Variants in RAB2A observed in about 807,000 individuals in gnomAD.
RAB2A encodes ras-related protein Rab-2A.
In RAB2A, 7 loss-of-function variants were observed where a neutral mutation model predicts 32.5. The observed-to-expected ratio is 0.22, with a 90% CI of 0.12 to 0.40. The LOEUF (loss-of-function observed/expected upper bound fraction) is 0.40, where lower values mean the gene tolerates loss of function less well. Among genes scored for constraint, RAB2A ranks in the 10% least tolerant of loss-of-function variants. The pLI, the probability that RAB2A is intolerant of heterozygous loss-of-function variation, is 1.00. For synonymous variants in RAB2A, 79 were observed against 85.2 expected, an observed-to-expected ratio of 0.93 and a Z score of 0.40; for missense variants, 108 against 260.7, an observed-to-expected ratio of 0.41 and a Z score of 4.03.
At chr8:60,542,236 C>T (rs1807656748) in intron 1 of RAB2A, among the ~76,000 whole-genome samples, 1 of 152,134 alleles carries the variant, frequency 6.6e-6, no homozygotes, top group South Asian at 2.1e-4. Flanking sequence ...ACTGAATAGG[C>T]TGGGTGCAGT....
intron 3 of RAB2A, among the ~76,000 whole-genome samples, chr8:60,581,782 T>G (rs1477750844): frequency 2.0e-5 from 3 of 152,042 alleles, no homozygotes; most frequent in African/African-American, 7.2e-5. Context: ...CGAGACAGGT[T>G]GATTGCTTAA....
intron 6 of RAB2A, among the ~76,000 whole-genome samples, chr8:60,616,625 A>G (rs1804452593): frequency 1.3e-5 from 2 of 152,276 alleles, no homozygotes; most frequent in Non-Finnish European, 1.5e-5. Context: ...GCTCTAGCAC[A>G]TACATGAAAA....
At chr8:60,586,296 C>G (rs1025259346) in intron 5 of RAB2A, among the ~76,000 whole-genome samples, 1 of 145,798 alleles carries the variant, frequency 6.9e-6, no homozygotes, top group Non-Finnish European at 1.5e-5. Context: ...GACCTTGTCT[C>G]AAAAAAAAAA....
At chr8:60,611,329 A>G (rs75897224) in intron 6 of RAB2A, among the ~76,000 whole-genome samples, 2 of 152,164 alleles carry the variant, frequency 1.3e-5, no homozygotes, top group African/African-American at 4.8e-5. Context: ...TCAGCTTCCA[A>G]CAGAATTGAA....
At chr8:60,543,310 C>T (rs1180471478) in intron 1 of RAB2A, among the ~76,000 whole-genome samples, 1 of 150,262 alleles carries the variant, frequency 6.7e-6, no homozygotes, top group Non-Finnish European at 1.5e-5. Context: ...TTACCTCTTC[C>T]AGCTTGTGGT....
At chr8:60,557,451 G>A (rs932025328) in intron 1 of RAB2A, among the ~76,000 whole-genome samples, 5 of 152,142 alleles carry the variant, frequency 3.3e-5, no homozygotes, top group Non-Finnish European at 5.9e-5. Context: ...GGGAGACGGA[G>A]TTTGCAGTGA....
At chr8:60,540,358 G>C (rs907807333) in intron 1 of RAB2A, among the ~76,000 whole-genome samples, 2 of 151,980 alleles carry the variant, frequency 1.3e-5, no homozygotes, top group African/African-American at 4.8e-5. Context: ...ATGAGAGCTG[G>C]AATTATCAGG....
At chr8:60,518,928 C>A (rs561187294) in intron 1 of RAB2A, among the ~76,000 whole-genome samples, 1 of 152,274 alleles carries the variant, frequency 6.6e-6, no homozygotes, top group African/African-American at 2.4e-5. Flanking sequence ...TCAAATCAGA[C>A]TTTGCTGGTT....
rs374127377 is a variant in RAB2A at position 60,596,645 on chromosome 8, G to A, written c.474+4676G>A. Among the ~76,000 whole-genome samples, 230 of 152,254 alleles carry A rather than the reference G, an allele frequency of 1.5e-3. 2 individuals are homozygous for A. Among genetic ancestry groups the A allele is most frequent in the African/African-American group, 4.7e-3 (195 of 41,558 alleles). Reference sequence around the variant, plus strand: ...ATCATTAAAAAGTGAGGAAACGGCCGGGCGCGGTGGCTCATGCCTGTAATC... The same window carrying A: ...ATCATTAAAAAGTGAGGAAACGGCCAGGCGCGGTGGCTCATGCCTGTAATC... On this transcript the variant is annotated intron_variant, in intron 6 of 7. Coordinates refer to ENST00000262646, the MANE Select transcript of RAB2A (RefSeq NM_002865.3).
intron 1 of RAB2A, among the ~76,000 whole-genome samples, chr8:60,544,120 T>C (rs879161002): frequency 6.6e-6 from 1 of 151,890 alleles, no homozygotes; most frequent in Non-Finnish European, 1.5e-5. Flanking sequence ...TTTTTTTTTT[T>C]TCTCACTGTT....
intron 1 of RAB2A, among the ~76,000 whole-genome samples, chr8:60,526,549 A>C (rs1317834203): frequency 6.6e-6 from 1 of 152,158 alleles, no homozygotes; most frequent in East Asian, 1.9e-4. Context: ...CAAATCTACA[A>C]AATCCCCTTT....
intron 6 of RAB2A, among the ~76,000 whole-genome samples, chr8:60,603,418 C>A (rs1330847392): frequency 6.6e-6 from 1 of 152,184 alleles, no homozygotes; most frequent in Non-Finnish European, 1.5e-5. Flanking sequence ...TTTGTTCCAG[C>A]ACTAGCTGTG....
intron 1 of RAB2A, among the ~76,000 whole-genome samples, chr8:60,554,790 T>C (rs184372849): frequency 0.012 from 1,760 of 152,026 alleles, 41 homozygotes; most frequent in African/African-American, 0.039. Flanking sequence ...AAGGCGGAGG[T>C]TGCAGTGAGC....
chr8:60,615,350 CCATT>C (rs1482281630), intron 6 of RAB2A, among the ~76,000 whole-genome samples: 1 of 152,074 alleles, frequency 6.6e-6, no homozygotes. Flanking sequence ...AATAGCTTAA[CCATT>C]CAAATTAAAC....
intron 6 of RAB2A, among the ~76,000 whole-genome samples, chr8:60,593,550 C>T (rs1034266343): frequency 6.6e-6 from 1 of 150,852 alleles, no homozygotes; most frequent in East Asian, 1.9e-4. Context: ...CCACAATCCC[C>T]AGGCAGTAAT....
At chr8:60,567,600 G>A (rs1808135061) in intron 2 of RAB2A, among the ~76,000 whole-genome samples, 3 of 151,568 alleles carry the variant, frequency 2.0e-5, no homozygotes, top group Admixed American at 6.6e-5. Flanking sequence ...GATAATTTAT[G>A]TTTTTACAGC....
At chr8:60,618,543 GT>G in intron 6 of RAB2A, 36 bp from the exon 7 acceptor site, 1 of 1,067,198 alleles carries the variant, frequency 9.4e-7, no homozygotes, top group South Asian at 1.9e-5. Context: ...TACTGCTTTG[GT>G]TTTATATAAT....
chr8:60,524,950 G>C (rs113826213), intron 1 of RAB2A, among the ~76,000 whole-genome samples: 4,029 of 152,274 alleles, frequency 0.026, 87 homozygotes, highest in Admixed American at 0.061. Flanking sequence ...ATTGTGGTCT[G>C]TATAGCAGAT....
chr8:60,602,902 C>T (rs1035998439), intron 6 of RAB2A, among the ~76,000 whole-genome samples: 5 of 152,142 alleles, frequency 3.3e-5, no homozygotes, highest in East Asian at 1.9e-4. Flanking sequence ...ATGGGAGAGG[C>T]GGTTTAGCAC....
Sources: gnomAD v4.1 joint callset for allele counts (sites outside exome capture counted in the v4.1 genomes callset) on GRCh38, gnomAD v4.1.1 for gene constraint, MANE v1.5 for transcripts, NCBI Gene and HGNC (gene_info 2026-07-23, HGNC 2026-07-21) for gene names.